FOXO3: variants seen among roughly 807,000 people sequenced by gnomAD.
FOXO3 encodes forkhead box protein O3.
In FOXO3, 4 loss-of-function variants were observed where a neutral mutation model predicts 41.9. The observed-to-expected ratio is 0.10, with a 90% CI of 0.05 to 0.22. FOXO3 has a LOEUF of 0.22. Among genes scored for constraint, FOXO3 ranks in the 10% least tolerant of loss-of-function variants. The pLI is 1.00. For synonymous variants in FOXO3, 318 were observed against 389.3 expected (o/e 0.82, Z 2.16); for missense variants, 534 against 906.8 (o/e 0.59, Z 5.28).
intron 1 of FOXO3, among the ~76,000 whole-genome samples, chr6:108,655,254 AG>A (rs1778652314): frequency 6.6e-6 from 1 of 152,202 alleles, no homozygotes; most frequent in Non-Finnish European, 1.5e-5. Context: ...GATTTTCAAA[AG>A]AAAAGCAGAT....
chr6:108,610,276 G>A (rs1333010921), intron 1 of FOXO3, among the ~76,000 whole-genome samples: 2 of 151,928 alleles, frequency 1.3e-5, no homozygotes, highest in Non-Finnish European at 2.9e-5. Flanking sequence ...AAAATAAAAG[G>A]ACTGAGTCTA....
chr6:108,677,309 G>A (rs1327054560), intron 2 of FOXO3, among the ~76,000 whole-genome samples: 16 of 152,232 alleles, frequency 1.1e-4, no homozygotes, highest in Admixed American at 9.8e-4. Context: ...TGGGGACTGT[G>A]GTTGGTTAGT....
intron 1 of FOXO3, among the ~76,000 whole-genome samples, chr6:108,654,866 A>G (rs752884989): frequency 6.6e-6 from 1 of 152,074 alleles, no homozygotes; most frequent in African/African-American, 2.4e-5. Context: ...TTTCTTCTCA[A>G]TCTGAAAATT....
At chr6:108,569,986 G>GTTTTT (rs1562227814) in intron 1 of FOXO3, among the ~76,000 whole-genome samples, 4 of 82,700 alleles carry the variant, frequency 4.8e-5, no homozygotes, top group African/African-American at 1.4e-4. Context: ...TCCCTTGCGT[G>GTTTTT]GTTTTTTTTT....
At chr6:108,629,043 C>A (rs559736527) in intron 1 of FOXO3, among the ~76,000 whole-genome samples, 1 of 152,196 alleles carries the variant, frequency 6.6e-6, no homozygotes, top group South Asian at 2.1e-4. Context: ...AGTTCTGTAA[C>A]CTCTCTCTGC....
At chr6:108,637,759 G>C (rs1778156713) in intron 1 of FOXO3, among the ~76,000 whole-genome samples, 1 of 151,700 alleles carries the variant, frequency 6.6e-6, no homozygotes, top group Non-Finnish European at 1.5e-5. Context: ...GTAGCTTTTT[G>C]GTTTTCTTCC....
rs118011214 is a variant in FOXO3 at position 108,597,471 on chromosome 6, T to C, written c.621+35642T>C. On this transcript the variant is annotated intron_variant, in intron 1 of 2. Coordinates refer to ENST00000406360, the MANE Select transcript of FOXO3 (RefSeq NM_001455.4). ...TATTAAACAGAATGATTGTGCTTTT[T>C]TTTTAATTGGATCAGAACATCCCCA... Among the ~76,000 whole-genome samples the C allele has an allele frequency of 8.6e-4, 131 of 152,368 alleles. 1 individual carries two copies. In the East Asian group the frequency reaches 0.022, roughly 26 times the overall value.
intron 1 of FOXO3, among the ~76,000 whole-genome samples, chr6:108,617,254 T>C (rs1436776386): frequency 6.6e-6 from 1 of 152,234 alleles, no homozygotes; most frequent in East Asian, 1.9e-4. Context: ...TGCCCTTGTC[T>C]GCTAGTCCCA....
chr6:108,658,452 G>T (rs1009667544), intron 1 of FOXO3, among the ~76,000 whole-genome samples: 2 of 152,196 alleles, frequency 1.3e-5, no homozygotes, highest in African/African-American at 2.4e-5. Context: ...TGAGAGTCAA[G>T]CAAAGATTGG....
intron 1 of FOXO3, among the ~76,000 whole-genome samples, chr6:108,615,950 T>G (rs1742027602): frequency 6.6e-6 from 1 of 151,950 alleles, no homozygotes; most frequent in Non-Finnish European, 1.5e-5. Flanking sequence ...TTCCTGCCTT[T>G]TTTCCCTCTA....
At chr6:108,661,932 A>T (rs1331792392) in intron 1 of FOXO3, among the ~76,000 whole-genome samples, 3 of 152,204 alleles carry the variant, frequency 2.0e-5, no homozygotes, top group Non-Finnish European at 4.4e-5. Flanking sequence ...TACACCCAAT[A>T]TCAAGTTTCC....
intron 1 of FOXO3, among the ~76,000 whole-genome samples, chr6:108,638,735 T>A (rs1778179299): frequency 1.3e-5 from 2 of 152,184 alleles, no homozygotes; most frequent in African/African-American, 2.4e-5. Context: ...GCAGTTTGTT[T>A]TCTGTTCGTA....
chr6:108,677,998 CT>C (rs1409443706), intron 2 of FOXO3, among the ~76,000 whole-genome samples: 6 of 152,134 alleles, frequency 3.9e-5, no homozygotes, highest in Non-Finnish European at 8.8e-5. Context: ...AAAGAGGCTT[CT>C]TTTTATACTT....
intron 2 of FOXO3, among the ~76,000 whole-genome samples, chr6:108,666,924 T>A (rs1475505126): frequency 1.3e-5 from 2 of 152,202 alleles, no homozygotes; most frequent in African/African-American, 4.8e-5. Context: ...GCAAGCTACT[T>A]ACAGGCTTCT....
intron 1 of FOXO3, among the ~76,000 whole-genome samples, chr6:108,590,453 G>C (rs1199893236): frequency 2.6e-5 from 4 of 152,166 alleles, no homozygotes; most frequent in Non-Finnish European, 5.9e-5. Flanking sequence ...ACTTTGTTCT[G>C]TGCACGAAAT....
chr6:108,581,020 G>A (rs1363206431), intron 1 of FOXO3, among the ~76,000 whole-genome samples: 1 of 152,208 alleles, frequency 6.6e-6, no homozygotes, highest in Non-Finnish European at 1.5e-5. Context: ...ACTCTAAACT[G>A]CACTTAAACT....
intron 1 of FOXO3, among the ~76,000 whole-genome samples, chr6:108,620,704 G>T (rs893980748): frequency 6.6e-6 from 1 of 152,160 alleles, no homozygotes; most frequent in African/African-American, 2.4e-5. Context: ...TTAGTCAATA[G>T]CTGCTGCTGT....
intron 1 of FOXO3, among the ~76,000 whole-genome samples, chr6:108,620,593 G>A (rs928968673): frequency 1.3e-5 from 2 of 152,180 alleles, no homozygotes; most frequent in Admixed American, 6.5e-5. Flanking sequence ...ATGAAGCCAC[G>A]CTTCTGATTG....
intron 1 of FOXO3, among the ~76,000 whole-genome samples, chr6:108,579,281 TGGG>T (rs1359433701): frequency 6.6e-6 from 1 of 152,136 alleles, no homozygotes; most frequent in South Asian, 2.1e-4. Context: ...GTTTTCTTCT[TGGG>T]GGAGTGGGTA....
Sources: allele counts gnomAD v4.1 joint callset (sites outside exome capture counted in the v4.1 genomes callset), GRCh38; gene constraint gnomAD v4.1.1; transcripts MANE v1.5; gene names NCBI Gene and HGNC (gene_info 2026-07-23, HGNC 2026-07-21).